NEB: variants seen among roughly 807,000 people sequenced by gnomAD.
NEB encodes the protein nemaline myopathy type 2.
NEB carries 512 observed loss-of-function variants against 952.2 expected under a neutral mutation model. That is an observed-to-expected ratio of 0.54 (90% CI 0.50 to 0.58). The LOEUF (loss-of-function observed/expected upper bound fraction) is 0.58. NEB is among the 20% of genes least tolerant of loss of function. The probability of loss-of-function intolerance (pLI) is 0.00; values close to 1 mark genes in which losing one functional copy is unlikely to be tolerated. For missense variants in NEB, 8,428 were observed against 9,231.1 expected (o/e 0.91, Z 3.56); for synonymous variants, 2,900 against 3,149.8 (o/e 0.92, Z 2.66).
At chr2:151,705,595 A>G (rs1444710143) in intron 13 of NEB, among the ~76,000 whole-genome samples, 1 of 152,226 alleles carries the variant, frequency 6.6e-6, no homozygotes, top group African/African-American at 2.4e-5. Context: ...AAGGAAAAGA[A>G]ATAATATGAA....
In NEB at chr2:151,663,653, T is replaced by C. The variant is rs779879024; in HGVS notation, c.5658A>G (p.Glu1886=). ...TCCTGTAGTTGGCATTGGTGGCCAC[T>C]TCCTGAGACTTCTTGGCTGCCACCA... ...LSVVAAKKSQ[E]VATNANYRNV... is the part of the protein sequence containing the mutation. The change falls in exon 45 of 182, where the codon GAA becomes GAG. Residue 1886 remains glutamate, a synonymous_variant. Coordinates refer to ENST00000397345, the MANE Select transcript of NEB (RefSeq NM_001164508.2). 1.2e-6 allele frequency: 2 copies of C among 1,613,804 alleles called. No homozygotes were observed. The highest frequency in any genetic ancestry group is 1.7e-6 in the Non-Finnish European group (2 of 1,179,758).
chr2:151,606,016 T>C (rs1414832866), intron 84 of NEB, among the ~76,000 whole-genome samples: 1 of 96,876 alleles, frequency 1.0e-5, no homozygotes, highest in Admixed American at 1.5e-4. Flanking sequence ...GATGAGGTTT[T>C]ACCATGTTGG....
At chr2:151,725,026 T>A in intron 6 of NEB, 65 bp from the exon 7 acceptor site, 5 of 1,247,356 alleles carry the variant, frequency 4.0e-6, no homozygotes, top group Non-Finnish European at 5.8e-6. Context: ...TTAAGGAATT[T>A]CTTATAACCA....
intron 30 of NEB, 132 bp from the exon 31 acceptor site, chr2:151,680,154 T>C (rs2099403603): frequency 4.3e-6 from 3 of 694,952 alleles, no homozygotes; most frequent in Middle Eastern, 3.7e-4. Context: ...TGCATTTGCA[T>C]ATTCATGTGC....
At chr2:151,683,318 A>G (rs1174944536) in intron 28 of NEB, among the ~76,000 whole-genome samples, 1 of 152,172 alleles carries the variant, frequency 6.6e-6, no homozygotes, top group Non-Finnish European at 1.5e-5. Context: ...GCACTCGTTA[A>G]TTTGCATAAG....
intron 13 of NEB, among the ~76,000 whole-genome samples, chr2:151,698,661 G>A (rs1480307206): frequency 1.5e-5 from 2 of 129,226 alleles, no homozygotes; most frequent in Non-Finnish European, 3.2e-5. Flanking sequence ...TTTTTGAGAT[G>A]GAGTCTCCCT....
intron 181 of NEB, among the ~76,000 whole-genome samples, chr2:151,487,387 C>T (rs1425304206): frequency 6.6e-6 from 1 of 152,180 alleles, no homozygotes; most frequent in Non-Finnish European, 1.5e-5. Flanking sequence ...TTGAAATTCA[C>T]ATGCATATAT....
intron 3 of NEB, 106 bp from the exon 4 acceptor site, chr2:151,729,762 GA>G: frequency 1.7e-6 from 2 of 1,181,268 alleles, no homozygotes; most frequent in Non-Finnish European, 2.5e-6. Context: ...GGTTGATTTG[GA>G]ATGTCTGTGG....
At chr2:151,708,236 C>T (rs1365945489) in intron 12 of NEB, among the ~76,000 whole-genome samples, 2 of 152,192 alleles carry the variant, frequency 1.3e-5, no homozygotes, top group Non-Finnish European at 2.9e-5. Context: ...CCTCTTTACC[C>T]AGTTTTTCAT....
chr2:151,503,105 C>T (rs146518636), intron 166 of NEB: 8 of 585,896 alleles, frequency 1.4e-5, no homozygotes, highest in African/African-American at 3.8e-5. Context: ...AGTTATATAA[C>T]GCTGAGGAAT....
intron 153 of NEB, among the ~76,000 whole-genome samples, chr2:151,521,417 G>A (rs368626961): frequency 6.6e-6 from 1 of 152,204 alleles, no homozygotes; most frequent in Non-Finnish European, 1.5e-5. Flanking sequence ...ACATAAAGAA[G>A]TGGAAGGCCT....
chr2:151,705,404 T>G (rs1405425967), intron 13 of NEB, among the ~76,000 whole-genome samples: 1 of 152,162 alleles, frequency 6.6e-6, no homozygotes, highest in African/African-American at 2.4e-5. Flanking sequence ...AACTTGGGCT[T>G]TTAGATGTTT....
chr2:151,612,418 T>TA (rs777930489), intron 77 of NEB, 29 bp from the exon 78 acceptor site: 1 of 1,590,928 alleles, frequency 6.3e-7, no homozygotes, highest in South Asian at 1.1e-5. Flanking sequence ...CAAATATTTA[T>TA]AGATGTCACC....
Position 151,610,596 on chromosome 2 carries a change from A to C in NEB, c.11938T>G (p.Ser3980Ala), listed in dbSNP as rs1291844440. Reference sequence around the variant, plus strand: ...CTCAGATCATAGTCCTTCATCTTTGATTCATCCCATCCCTTGGTGTAAAGT... The same window carrying C: ...CTCAGATCATAGTCCTTCATCTTTGCTTCATCCCATCCCTTGGTGTAAAGT... ...QKLYTKGWDE[S>A]KMKDYDLRAD... The change falls in exon 80 of 182, where the codon TCA becomes GCA. Residue 3980 changes from serine to alanine, a missense_variant. By Grantham distance (99) the Ser-to-Ala change is moderately conservative. Transcript: ENST00000397345. The C allele has an allele frequency of 1.2e-6, 2 of 1,613,584 alleles. No homozygotes were observed. The highest frequency in any genetic ancestry group is 1.7e-6 in the Non-Finnish European group (2 of 1,179,588).
rs938701493 is a variant in NEB, at chr2:151,521,107, G to C, written c.22480-1339C>G. On this transcript the variant is annotated intron_variant, in intron 153 of 181. Transcript: ENST00000397345. ...ATCCTAGAGTTTCTGTTATTGTTAA[G>C]ATGAAAGACTCACTAACACCAGTAC... Among the ~76,000 whole-genome samples, 12 of 152,172 alleles carry C rather than the reference G, an allele frequency of 7.9e-5. No homozygotes were observed. The East Asian group carries it at 1.7e-3, about 22-fold the overall frequency.
chr2:151,644,980 T>C (rs993112616), intron 55 of NEB, among the ~76,000 whole-genome samples: 1 of 152,178 alleles, frequency 6.6e-6, no homozygotes, highest in Non-Finnish European at 1.5e-5. Context: ...AGCATGTTAG[T>C]GTAGGCCACT....
At chr2:151,575,844 T>C (rs1243426902) in intron 106 of NEB, 45 bp from the exon 107 acceptor site, 2 of 1,302,412 alleles carry the variant, frequency 1.5e-6, no homozygotes, top group Non-Finnish European at 2.2e-6. Context: ...ACAATTTTCA[T>C]GTTGCTAGTC....
chr2:151,500,521 AT>A (rs889361108), intron 168 of NEB, among the ~76,000 whole-genome samples: 2 of 151,996 alleles, frequency 1.3e-5, no homozygotes, highest in Admixed American at 1.3e-4. Flanking sequence ...TTAAAAAAAA[AT>A]CAGAAGGCCT....
intron 3 of NEB, among the ~76,000 whole-genome samples, 199 bp from the exon 4 acceptor site, chr2:151,729,855 C>T (rs1427854143): frequency 1.3e-5 from 2 of 152,200 alleles, no homozygotes; most frequent in Non-Finnish European, 2.9e-5. Context: ...AAAGTGAATG[C>T]CATCCAAATG....
Sources: gnomAD v4.1 joint callset for allele counts (sites outside exome capture counted in the v4.1 genomes callset) on GRCh38, gnomAD v4.1.1 for gene constraint, MANE v1.5 for transcripts, NCBI Gene and HGNC (gene_info 2026-07-23, HGNC 2026-07-21) for gene names.